Variants in TFEC observed in about 807,000 individuals in gnomAD.
TFEC encodes the protein class E basic helix-loop-helix protein 34.
A neutral mutation model predicts 41.6 loss-of-function variants in TFEC; 31 were observed. That is an observed-to-expected ratio of 0.74 (90% CI 0.56 to 1.01). The LOEUF is 1.01. Ranked by LOEUF, TFEC falls within the 50% of genes least tolerant of loss-of-function variation. The probability of loss-of-function intolerance (pLI) is 0.00; values close to 1 mark genes in which losing one functional copy is unlikely to be tolerated. For missense variants in TFEC, 402 were observed against 404.1 expected, an observed-to-expected ratio of 0.99 and a Z score of 0.04; for synonymous variants, 143 against 140.6, an observed-to-expected ratio of 1.02 and a Z score of -0.12.
intron 1 of TFEC, among the ~76,000 whole-genome samples, chr7:115,997,982 C>G (rs1794434539): frequency 6.6e-6 from 1 of 151,974 alleles, no homozygotes; most frequent in African/African-American, 2.4e-5. Flanking sequence ...AAGGGAAAAT[C>G]TAAGAGTTAT....
At chr7:116,003,928 T>C (rs1248261259) in intron 1 of TFEC, among the ~76,000 whole-genome samples, 1 of 152,134 alleles carries the variant, frequency 6.6e-6, no homozygotes, top group African/African-American at 2.4e-5. Context: ...TAAAATATTT[T>C]GAATTAACTA....
chr7:116,113,443 A>G (rs1797901740), intron 1 of TFEC, among the ~76,000 whole-genome samples: 1 of 151,784 alleles, frequency 6.6e-6, no homozygotes, highest in Non-Finnish European at 1.5e-5. Context: ...AGAAGGAACC[A>G]CTCCTGCTGA....
intron 1 of TFEC, among the ~76,000 whole-genome samples, chr7:116,015,169 C>A (rs1028874965): frequency 1.3e-5 from 2 of 151,072 alleles, no homozygotes; most frequent in African/African-American, 4.8e-5. Flanking sequence ...TCTTATAGCA[C>A]CTGAAATTTT....
intron 2 of TFEC, among the ~76,000 whole-genome samples, chr7:115,980,263 C>A (rs1793566812): frequency 1.3e-5 from 2 of 152,160 alleles, no homozygotes; most frequent in South Asian, 4.1e-4. Flanking sequence ...TCTCTCTCTA[C>A]TGTCCATCTG....
At chr7:116,130,045 A>AACGCACAC (rs1554425102) in intron 1 of TFEC, among the ~76,000 whole-genome samples, 1 of 142,156 alleles carries the variant, frequency 7.0e-6, no homozygotes, top group Non-Finnish European at 1.5e-5. Flanking sequence ...AACATGCAAG[A>AACGCACAC]ACACACACAC....
intron 3 of TFEC, among the ~76,000 whole-genome samples, chr7:116,068,849 T>C (rs1796756959): frequency 6.6e-6 from 1 of 151,418 alleles, no homozygotes; most frequent in Admixed American, 6.6e-5. Flanking sequence ...CGCTGTAACA[T>C]CCATACAATA....
At chr7:116,093,601 C>A (rs375086464) in intron 3 of TFEC, among the ~76,000 whole-genome samples, 13 of 152,046 alleles carry the variant, frequency 8.6e-5, no homozygotes, top group African/African-American at 2.7e-4. Flanking sequence ...GTGCTCTTAC[C>A]AAATGCATAT....
At position 116,041,233 on chromosome 7, in the gene TFEC, G is replaced by A. The variant is rs147999379; in HGVS notation, c.199-56720C>T. On this transcript the variant is annotated intron_variant, in intron 3 of 8. Transcript: ENST00000484212. ...TTATATGTATTGCATTTCCCATATC[G>A]TTTCCTTTTGTTTTGCTGATAACAA... 1.3e-4 allele frequency among the ~76,000 whole-genome samples: 20 copies of A among 151,338 alleles called. No homozygotes were observed. In the East Asian group the frequency reaches 1.6e-3, roughly 12 times the overall value.
intron 6 of TFEC, among the ~76,000 whole-genome samples, chr7:115,944,968 G>A (rs1791451783): frequency 6.7e-6 from 1 of 149,180 alleles, no homozygotes; most frequent in African/African-American, 2.5e-5. Context: ...GTGATTCCAT[G>A]ACTCGTTAAT....
In TFEC at chr7:115,959,986, G is replaced by A. The variant is rs143823434; in HGVS notation, c.268-3193C>T. The stretch of plus-strand genomic sequence containing the variant: ...TAAGAATTAATAGTAATCAATGGGC[G>A]ACAGTATTTTATTTCACCATAAGTT... On this transcript the variant is annotated intron_variant, in intron 3 of 7. Coordinates refer to ENST00000265440, the MANE Select transcript of TFEC (RefSeq NM_012252.4). Among the ~76,000 whole-genome samples, 535 of 151,392 alleles carry A rather than the reference G, an allele frequency of 3.5e-3. 1 individual carries two copies. The highest frequency in any genetic ancestry group is 0.012 in the African/African-American group (515 of 41,416).
chr7:116,111,701 A>G (rs1162877872), intron 2 of TFEC, among the ~76,000 whole-genome samples: 1 of 152,058 alleles, frequency 6.6e-6, no homozygotes, highest in Non-Finnish European at 1.5e-5. Flanking sequence ...ATTCTCAGTC[A>G]GAGTTTCTGG....
intron 1 of TFEC, among the ~76,000 whole-genome samples, chr7:116,027,416 CTACAAAAAAA>C (rs1340189445): frequency 1.3e-5 from 2 of 151,878 alleles, no homozygotes; most frequent in East Asian, 1.9e-4. Flanking sequence ...CCCCCCATCT[CTACAAAAAAA>C]TACAAAAAAA....
At chr7:115,989,936 GT>G (rs1416412975) in intron 1 of TFEC, among the ~76,000 whole-genome samples, 1 of 152,162 alleles carries the variant, frequency 6.6e-6, no homozygotes, top group East Asian at 1.9e-4. Flanking sequence ...CTTCAAGTGG[GT>G]CCCTGACCCC....
At position 116,060,865 on chromosome 7, in the gene TFEC, A is replaced by G. The variant is rs555518206; in HGVS notation, c.198+49843T>C. On this transcript the variant is annotated intron_variant, in intron 3 of 8. Coordinates refer to the TFEC transcript ENST00000484212. Reference sequence around the variant, plus strand: ...CATATACCCACAAACCTAAAATAAAAGTTTAAAAATAAATAAATAAACAAC... The same window carrying G: ...CATATACCCACAAACCTAAAATAAAGGTTTAAAAATAAATAAATAAACAAC... Among the ~76,000 whole-genome samples, 6 of 139,390 alleles carry G rather than the reference A, an allele frequency of 4.3e-5. No homozygotes were observed. The East Asian group carries it at 1.3e-3, about 31-fold the overall frequency. The allele number at this position is 139,390 out of a possible 152,430, so 91.4% of individuals were successfully genotyped here. A position where few individuals can be genotyped will look rare whatever the true frequency, so the allele number is the denominator to read the frequency against.
intron 1 of TFEC, among the ~76,000 whole-genome samples, chr7:116,124,286 A>G (rs940405550): frequency 1.3e-5 from 2 of 152,146 alleles, no homozygotes; most frequent in Non-Finnish European, 2.9e-5. Context: ...AAACGGGGGA[A>G]AAAAGAAATT....
At chr7:116,107,636 C>G (rs1347499690) in intron 3 of TFEC, among the ~76,000 whole-genome samples, 1 of 152,126 alleles carries the variant, frequency 6.6e-6, no homozygotes, top group Non-Finnish European at 1.5e-5. Flanking sequence ...CTGGAAATAG[C>G]AGCCAACAAA....
intron 3 of TFEC, among the ~76,000 whole-genome samples, chr7:116,035,817 G>A (rs1795896139): frequency 6.6e-6 from 1 of 151,912 alleles, no homozygotes; most frequent in Non-Finnish European, 1.5e-5. Context: ...TTTGTTGAGA[G>A]AGAGAGAGAA....
At chr7:116,002,284 T>C (rs906971510) in intron 1 of TFEC, among the ~76,000 whole-genome samples, 2 of 152,178 alleles carry the variant, frequency 1.3e-5, no homozygotes, top group Non-Finnish European at 2.9e-5. Flanking sequence ...TAAGGATCTA[T>C]CAACATATGA....
At chr7:115,989,550 A>C (rs1456026282) in intron 1 of TFEC, among the ~76,000 whole-genome samples, 1 of 152,188 alleles carries the variant, frequency 6.6e-6, no homozygotes, top group Non-Finnish European at 1.5e-5. Context: ...CCACCCTAAT[A>C]CTGCGCTTTT....
Sources: allele counts gnomAD v4.1 joint callset (sites outside exome capture counted in the v4.1 genomes callset), GRCh38; gene constraint gnomAD v4.1.1; transcripts MANE v1.5; gene names NCBI Gene and HGNC (gene_info 2026-07-23, HGNC 2026-07-21).